GDPD1: variants seen among roughly 807,000 people sequenced by gnomAD.
GDPD1 encodes the protein glycerophosphodiester phosphodiesterase domain containing 1.
GDPD1 carries 28 observed loss-of-function variants against 45.1 expected under a neutral mutation model. The observed-to-expected ratio is 0.62, with a 90% CI of 0.46 to 0.85. The LOEUF (loss-of-function observed/expected upper bound fraction) is 0.85. Ranked by LOEUF, GDPD1 falls within the 40% of genes least tolerant of loss-of-function variation. The probability of loss-of-function intolerance (pLI) is 0.00; values close to 1 mark genes in which losing one functional copy is unlikely to be tolerated. For missense variants in GDPD1, 256 were observed against 364.8 expected, an observed-to-expected ratio of 0.70 and a Z score of 2.43; for synonymous variants, 139 against 131.4, an observed-to-expected ratio of 1.06 and a Z score of -0.40.
rs1174794003 is a variant in GDPD1, at chr17:59,255,743, C to CAAAAAAAA, written c.368-1366_368-1359dup. Among the ~76,000 whole-genome samples the CAAAAAAAA allele has an allele frequency of 7.5e-5, 2 of 26,614 alleles. 1 individual carries two copies. Among genetic ancestry groups the CAAAAAAAA allele is most frequent in the African/African-American group, 5.2e-4 (2 of 3,878 alleles). 17.5% of individuals were successfully genotyped at this position (26,614 alleles called of 152,430 possible). ...GGGCAACAAGAACGAAACTCCGTCT[C>CAAAAAAAA]AAAAAAAAAAAAAAAAAAAATATAT... On this transcript the variant is annotated intron_variant, in intron 4 of 9. Coordinates refer to ENST00000284116, the MANE Select transcript of GDPD1 (RefSeq NM_182569.4).
chr17:59,249,742 A>G (rs2047239195), intron 4 of GDPD1, among the ~76,000 whole-genome samples: 2 of 152,200 alleles, frequency 1.3e-5, no homozygotes, highest in African/African-American at 4.8e-5. Context: ...ACATTTTTGA[A>G]TGATTCAAAT....
intron 1 of GDPD1, among the ~76,000 whole-genome samples, chr17:59,233,790 A>C (rs982717189): frequency 1.3e-5 from 2 of 152,178 alleles, no homozygotes; most frequent in Non-Finnish European, 2.9e-5. Context: ...ACAACTACAG[A>C]TTGTTCTCAT....
At chr17:59,223,600 A>G (rs186064906) in intron 1 of GDPD1, among the ~76,000 whole-genome samples, 80 of 152,242 alleles carry the variant, frequency 5.3e-4, no homozygotes, top group Non-Finnish European at 9.3e-4. Flanking sequence ...AACTGCAAAT[A>G]CCTGATATTT....
rs2047472129 is a variant in GDPD1, at chr17:59,275,070, G to A, written c.*1297G>A. 9.1e-7 allele frequency: 1 copy of A among 1,099,894 alleles called. No homozygotes were observed. The highest frequency in any genetic ancestry group is 1.3e-6 in the Non-Finnish European group (1 of 750,556). The allele number at this position is 1,099,894 out of a possible 1,614,324, so 68.1% of individuals were successfully genotyped here. A position where few individuals can be genotyped will look rare whatever the true frequency, so the allele number is the denominator to read the frequency against. ...TTGGCCAGACTGGTCTCGAACTCCT[G>A]ACCTCAGGTGATCCACCCACCTCGG... On this transcript the variant is annotated 3_prime_UTR_variant, in exon 10 of 10. Coordinates refer to ENST00000284116, the MANE Select transcript of GDPD1 (RefSeq NM_182569.4).
In GDPD1 at chr17:59,220,523, A is replaced by G. The variant is rs531166041; in HGVS notation, c.-87A>G. On this transcript the variant is annotated 5_prime_UTR_variant, in exon 1 of 10. Coordinates refer to ENST00000284116, the MANE Select transcript of GDPD1 (RefSeq NM_182569.4). ...ACCGGCTGGGGGCGAGCCGACCTCG[A>G]GCAGCCGCCGCCGCCGCCGTCGTTG... 1.1e-5 allele frequency: 16 copies of G among 1,467,280 alleles called. No homozygotes were observed. The Admixed American group carries it at 2.2e-4, about 21-fold the overall frequency. 90.9% of individuals were successfully genotyped at this position (1,467,280 alleles called of 1,614,324 possible). A position where few individuals can be genotyped will look rare whatever the true frequency, so the allele number is the denominator to read the frequency against.
intron 8 of GDPD1, among the ~76,000 whole-genome samples, chr17:59,272,514 AGCTGT>A (rs2047451593): frequency 2.0e-5 from 3 of 152,206 alleles, no homozygotes; most frequent in Admixed American, 2.0e-4. Context: ...TTTTCCATTG[AGCTGT>A]GCCAACAAGA....
At chr17:59,255,828 C>CAT (rs2047300261) in intron 4 of GDPD1, among the ~76,000 whole-genome samples, 1 of 36,618 alleles carries the variant, frequency 2.7e-5, no homozygotes, top group East Asian at 4.7e-4. Flanking sequence ...TATATATATA[C>CAT]GCGTATATAT....
chr17:59,261,508 A>G (rs985179220), intron 6 of GDPD1, among the ~76,000 whole-genome samples: 1 of 151,688 alleles, frequency 6.6e-6, no homozygotes, highest in Non-Finnish European at 1.5e-5. Context: ...TATTATTATT[A>G]TTATTTAAAA....
At chr17:59,272,313 T>C (rs890272774) in intron 8 of GDPD1, among the ~76,000 whole-genome samples, 1 of 152,230 alleles carries the variant, frequency 6.6e-6, no homozygotes, top group African/African-American at 2.4e-5. Context: ...TAGGATAGTG[T>C]AATTAATGGA....
intron 2 of GDPD1, among the ~76,000 whole-genome samples, chr17:59,236,956 G>C (rs563596471): frequency 1.3e-5 from 2 of 152,182 alleles, no homozygotes; most frequent in Non-Finnish European, 2.9e-5. Context: ...ACACATTAGT[G>C]CCCTTGCTAT....
At chr17:59,262,917 C>T (rs1246004063) in intron 6 of GDPD1, among the ~76,000 whole-genome samples, 1 of 152,024 alleles carries the variant, frequency 6.6e-6, no homozygotes, top group African/African-American at 2.4e-5. Context: ...CATGAGCCAC[C>T]GTGCCCGGCC....
Position 59,272,944 on chromosome 17 carries a change from G to C in GDPD1, c.822+108G>C, listed in dbSNP as rs561829130. On this transcript the variant is annotated intron_variant, in intron 9 of 9. Transcript: ENST00000284116. ...ACTTAGTTTGGCCCTTGACTCTGAT[G>C]CTGCTGCTTTACTGATCCACAAATG... 1.1e-5 allele frequency: 18 copies of C among 1,599,924 alleles called. No individual in the cohort carries two copies. The East Asian group carries it at 3.6e-4, about 32-fold the overall frequency.
chr17:59,243,102 T>C (rs1021299318), intron 2 of GDPD1, among the ~76,000 whole-genome samples: 2 of 151,962 alleles, frequency 1.3e-5, no homozygotes, highest in African/African-American at 4.8e-5. Context: ...GGTGTGGGAA[T>C]TGCTTGAACC....
At chr17:59,225,224 T>A (rs547213191) in intron 1 of GDPD1, among the ~76,000 whole-genome samples, 1 of 151,644 alleles carries the variant, frequency 6.6e-6, no homozygotes, top group Non-Finnish European at 1.5e-5. Flanking sequence ...CCTGAATAGC[T>A]GGGGTTACAG....
At position 59,232,619 on chromosome 17, in the gene GDPD1, G is replaced by T. The variant is rs528926839; in HGVS notation, c.143-1873G>T. ...TAGACATTATAACAATATAGATGAT[G>T]TTAACATGGCATAAAAAGTGCCCAT... On this transcript the variant is annotated intron_variant, in intron 1 of 9. Transcript: ENST00000284116. Among the ~76,000 whole-genome samples the T allele has an allele frequency of 3.3e-5, 5 of 152,244 alleles. No homozygotes were observed. The South Asian group carries it at 1.0e-3, about 32-fold the overall frequency.
At chr17:59,268,869 C>T (rs556822381) in intron 7 of GDPD1, among the ~76,000 whole-genome samples, 3 of 151,994 alleles carry the variant, frequency 2.0e-5, no homozygotes, top group Non-Finnish European at 2.9e-5. Context: ...TGGTGAAACC[C>T]CATCTCTACT....
intron 2 of GDPD1, among the ~76,000 whole-genome samples, chr17:59,243,901 C>T (rs969350172): frequency 1.1e-4 from 17 of 152,130 alleles, no homozygotes; most frequent in Admixed American, 9.2e-4. Context: ...GTGCCCAACA[C>T]CATAAACATT....
rs1255370953 is a variant in GDPD1, at chr17:59,273,836, A to G, written c.*63A>G. ...AGACCTAAGAAAAAAATATTTCATG[A>G]TCATTTCCCTAAGCCATTTCCAGAA... On this transcript the variant is annotated 3_prime_UTR_variant, in exon 10 of 10. Coordinates refer to ENST00000284116, the MANE Select transcript of GDPD1 (RefSeq NM_182569.4). The G allele has an allele frequency of 4.4e-5, 65 of 1,475,308 alleles. No homozygotes were observed. Among genetic ancestry groups the G allele is most frequent in the Non-Finnish European group, 5.5e-5 (61 of 1,113,920 alleles). 91.4% of individuals were successfully genotyped at this position (1,475,308 alleles called of 1,614,324 possible). A position where few individuals can be genotyped will look rare whatever the true frequency, so the allele number is the denominator to read the frequency against.
intron 6 of GDPD1, among the ~76,000 whole-genome samples, chr17:59,264,847 A>G (rs925245348): frequency 6.6e-6 from 1 of 151,864 alleles, no homozygotes; most frequent in South Asian, 2.1e-4. Flanking sequence ...TATTTATATA[A>G]TTTTTTAATT....
Sources: gnomAD v4.1 joint callset for allele counts (sites outside exome capture counted in the v4.1 genomes callset) on GRCh38, gnomAD v4.1.1 for gene constraint, MANE v1.5 for transcripts, NCBI Gene and HGNC (gene_info 2026-07-23, HGNC 2026-07-21) for gene names.